The following TRIM64 variants were observed in gnomAD, a reference collection of about 807,000 sequenced individuals.
TRIM64 encodes tripartite motif containing 64.
TRIM64 carries 3 observed loss-of-function variants against 10.6 expected under a neutral mutation model. That is an observed-to-expected ratio of 0.28 (90% confidence interval 0.13 to 0.73). The LOEUF (loss-of-function observed/expected upper bound fraction) is 0.73, where lower values mean the gene tolerates loss of function less well. TRIM64 is among the 30% of genes least tolerant of loss of function. The probability of loss-of-function intolerance (pLI) is 0.71; values close to 1 mark genes in which losing one functional copy is unlikely to be tolerated. For missense variants in TRIM64, 29 were observed against 152.0 expected (o/e 0.19, Z 4.25); for synonymous variants, 8 against 56.0 (o/e 0.14, Z 3.83).
rs1950435590 is a variant in TRIM64, at chr11:89,970,371, T to C, written c.632T>C (p.Leu211Pro). 3.9e-6 allele frequency: 2 copies of C among 511,438 alleles called. 1 individual carries two copies. Among genetic ancestry groups the C allele is most frequent in the African/African-American group, 1.3e-4 (2 of 15,510 alleles). The allele number at this position is 511,438 out of a possible 1,614,324, so 31.7% of individuals were successfully genotyped here. A position where few individuals can be genotyped will look rare whatever the true frequency, so the allele number is the denominator to read the frequency against. Residue 211 changes from leucine to proline, a missense_variant, in exon 3 of 6, where the codon CTA becomes CCA. Transcript: ENST00000533122. Reference sequence around the variant, plus strand: ...GAAGCAGAAGAGCTTTTCCAACAACTACAAGACAGTCAAGTGAGAATGACC... The same window carrying C: ...GAAGCAGAAGAGCTTTTCCAACAACCACAAGACAGTCAAGTGAGAATGACC...
rs540462381 is a variant in TRIM64 at position 89,971,414 on chromosome 11, T to C, written c.758+159T>C. Among the ~76,000 whole-genome samples the C allele has an allele frequency of 6.7e-4, 29 of 43,176 alleles. 13 individuals are homozygous for C. Among genetic ancestry groups the C allele is most frequent in the Admixed American group, 1.8e-3 (6 of 3,258 alleles). 28.3% of individuals were successfully genotyped at this position (43,176 alleles called of 152,430 possible). A position where few individuals can be genotyped will look rare whatever the true frequency, so the allele number is the denominator to read the frequency against. On this transcript the variant is annotated intron_variant, in intron 4 of 5. Transcript: ENST00000533122. ...TTCTTCTCTTTGGTCTGGAAAGTTTTCATCTTAAAATTTGTATGAATTAAA... is the reference window on the plus strand; with the variant it reads ...TTCTTCTCTTTGGTCTGGAAAGTTTCCATCTTAAAATTTGTATGAATTAAA...
chr11:89,968,735 A>G lies in TRIM64; in HGVS notation c.232A>G (p.Arg78Gly), dbSNP rs1199983557. Residue 78 changes from arginine (R) to glycine (G), a missense_variant, in exon 1 of 6, where the codon AGA becomes GGA. Transcript: ENST00000533122. The stretch of plus-strand genomic sequence containing the variant: ...ACTCAAAAAGCTGTCTTCCCTAGCC[A>G]GACAGACCAGACCTCAGAACATCAA... 8 of 715,096 alleles carry G rather than the reference A, an allele frequency of 1.1e-5. 3 individuals carry two copies. The highest frequency in any genetic ancestry group is 1.5e-5 in the Non-Finnish European group (8 of 530,348). The allele number at this position is 715,096 out of a possible 1,614,324, so 44.3% of individuals were successfully genotyped here. A position where few individuals can be genotyped will look rare whatever the true frequency, so the allele number is the denominator to read the frequency against.
Position 89,972,164 on chromosome 11 carries a change from T to C in TRIM64, c.759-33T>C. On this transcript the variant is annotated intron_variant, in intron 4 of 5. Transcript: ENST00000533122. ...ATGACTGTGTGATTAGCTCTGGGCC[T>C]GGAAATATAACTGAGGCCATTTTTT... 4.9e-6 allele frequency: 2 copies of C among 408,110 alleles called. 1 individual carries two copies. The highest frequency in any genetic ancestry group is 9.7e-5 in the South Asian group (2 of 20,584). 25.3% of individuals were successfully genotyped at this position (408,110 alleles called of 1,614,324 possible).
upstream of TRIM64, among the ~76,000 whole-genome samples, chr11:89,966,517 T>A (rs557473008): frequency 2.0e-5 from 1 of 50,346 alleles, no homozygotes; most frequent in East Asian, 5.5e-4. Flanking sequence ...ACTTTGAAAA[T>A]TCTTGTTGCA....
At chr11:89,971,572 T>G (rs1590901141) in intron 4 of TRIM64, among the ~76,000 whole-genome samples, 1 of 41,728 alleles carries the variant, frequency 2.4e-5, no homozygotes. Context: ...TCTAGAGGGG[T>G]GGGAGGTTAA....
At chr11:89,966,486 G>A (rs1405968344), upstream of TRIM64, among the ~76,000 whole-genome samples, 21 of 55,978 alleles carry the variant, frequency 3.8e-4, no homozygotes, top group Middle Eastern at 7.6e-3. Flanking sequence ...AAGCCAAAGC[G>A]AACGTTAAAA....
rs1190479918 is a variant in TRIM64, at chr11:89,973,262, A to T, written c.857-134A>T. The stretch of plus-strand genomic sequence containing the variant: ...GTGTAATAACATTTCATCTTCATGA[A>T]TGCATGGGGCTGACCCCTCTTGGCT... On this transcript the variant is annotated intron_variant, in intron 5 of 5. Coordinates refer to ENST00000533122, the Ensembl canonical transcript of TRIM64. 9.5e-6 allele frequency: 2 copies of T among 209,436 alleles called. 1 individual carries two copies. Among genetic ancestry groups the T allele is most frequent in the Non-Finnish European group, 1.4e-5 (2 of 141,642 alleles). The allele number at this position is 209,436 out of a possible 1,614,324, so 13.0% of individuals were successfully genotyped here.
upstream of TRIM64, among the ~76,000 whole-genome samples, chr11:89,966,747 C>T (rs866360876): frequency 2.8e-5 from 1 of 35,434 alleles, no homozygotes; most frequent in Middle Eastern, 9.3e-3. Context: ...ATCATCCTGG[C>T]GTGGTGGTGG....
chr11:89,966,605 G>C (rs1446857892), upstream of TRIM64, among the ~76,000 whole-genome samples: 1 of 46,096 alleles, frequency 2.2e-5, no homozygotes, highest in Non-Finnish European at 4.1e-5. Flanking sequence ...GATTTAATCG[G>C]CTGGGCATGA....
At chr11:89,969,049 G>A in intron 1 of TRIM64, 138 bp downstream of exon 2, 1 of 463,140 alleles carries the variant, frequency 2.2e-6, no homozygotes, top group Non-Finnish European at 3.0e-6. Flanking sequence ...ACATAAATGT[G>A]TCCTTTCAAT....
chr11:89,966,898 C>CAAAAAAAAAAAAAAA (rs778298970), upstream of TRIM64, among the ~76,000 whole-genome samples: 2 of 12,988 alleles, frequency 1.5e-4, no homozygotes, highest in African/African-American at 1.2e-3. Flanking sequence ...ACAACAGCAA[C>CAAAAAAAAAAAAAAA]AAAAAAAAAA....
chr11:89,967,020 C>T (rs1266977572), upstream of TRIM64, among the ~76,000 whole-genome samples: 1 of 33,238 alleles, frequency 3.0e-5, no homozygotes, highest in Non-Finnish European at 5.4e-5. Flanking sequence ...GGTGAATTGG[C>T]GGCCATGCTT....
rs1359273120 is a variant in TRIM64 at position 89,971,460 on chromosome 11, CCATT to C, written c.758+207_758+210del. Among the ~76,000 whole-genome samples the C allele has an allele frequency of 1.0e-4, 5 of 47,792 alleles. 2 individuals are homozygous for C. Among genetic ancestry groups the C allele is most frequent in the Non-Finnish European group, 2.2e-4 (5 of 22,610 alleles). The allele number at this position is 47,792 out of a possible 152,430, so 31.4% of individuals were successfully genotyped here. On this transcript the variant is annotated intron_variant, in intron 4 of 5. Transcript: ENST00000533122. ...TTAAAATATACATAAAAACAATTTG[CCATT>C]CGGAAGTTTGTTCTTCCCAGTCCAT... is the stretch of plus-strand genomic sequence containing the variant.
At chr11:89,967,016 T>C (rs1246709119), upstream of TRIM64, among the ~76,000 whole-genome samples, 2 of 33,456 alleles carry the variant, frequency 6.0e-5, no homozygotes, top group Non-Finnish European at 1.1e-4. Context: ...GAAAGGTGAA[T>C]TGGCGGCCAT....
chr11:89,968,411 A>T (rs1950430341), upstream of TRIM64: 7 of 147,184 alleles, frequency 4.8e-5, 2 homozygotes, highest in Non-Finnish European at 7.6e-5. Context: ...AGACAAGGAA[A>T]ATTGTCCACC....
chr11:89,971,863 C>T lies in TRIM64; in HGVS notation c.759-334C>T, dbSNP rs1412093331. On this transcript the variant is annotated intron_variant, in intron 4 of 5. Transcript: ENST00000533122. Reference sequence around the variant, plus strand: ...ATTAGTGATAACTGCAGGCTGAGGTCGCAAAGGTTTTTGTCTGAGTTTTCT... The same window carrying T: ...ATTAGTGATAACTGCAGGCTGAGGTTGCAAAGGTTTTTGTCTGAGTTTTCT... Among the ~76,000 whole-genome samples, 6 of 52,804 alleles carry T rather than the reference C, an allele frequency of 1.1e-4. 1 individual carries two copies. The highest frequency in any genetic ancestry group is 4.9e-4 in the Admixed American group (2 of 4,074). The allele number at this position is 52,804 out of a possible 152,430, so 34.6% of individuals were successfully genotyped here. A position where few individuals can be genotyped will look rare whatever the true frequency, so the allele number is the denominator to read the frequency against.
chr11:89,967,982 G>C (rs111405868), upstream of TRIM64, among the ~76,000 whole-genome samples: 7 of 35,514 alleles, frequency 2.0e-4, 3 homozygotes, highest in Admixed American at 5.3e-4. Flanking sequence ...GGGGTTTCAC[G>C]GTGTTAGCCA....
At chr11:89,971,720 T>G (rs188336108) in intron 4 of TRIM64, among the ~76,000 whole-genome samples, 10,551 of 51,802 alleles carry the variant, frequency 0.2, 4,937 homozygotes, top group African/African-American at 0.64. Context: ...CTCAGGGAAA[T>G]GGTTGCCTCG....
upstream of TRIM64, among the ~76,000 whole-genome samples, chr11:89,966,660 A>C (rs1270838489): frequency 2.6e-5 from 1 of 39,016 alleles, no homozygotes; most frequent in Non-Finnish European, 4.7e-5. Context: ...CAAGGCAGGC[A>C]GATCGCTTGA....
Sources: gnomAD v4.1 joint callset for allele counts (sites outside exome capture counted in the v4.1 genomes callset) on GRCh38, gnomAD v4.1.1 for gene constraint, MANE v1.5 for transcripts, NCBI Gene and HGNC (gene_info 2026-07-23, HGNC 2026-07-21) for gene names.